Variants in EGF observed in about 807,000 individuals in gnomAD.
EGF encodes epidermal growth factor.
A neutral mutation model predicts 143.8 loss-of-function variants in EGF; 95 were observed. The ratio of observed to expected loss-of-function variants is 0.66; its 90% CI spans 0.56 to 0.78. The LOEUF (loss-of-function observed/expected upper bound fraction) is 0.78. Among genes scored for constraint, EGF ranks in the 30% least tolerant of loss-of-function variants. The probability of loss-of-function intolerance (pLI) is 0.00; values close to 1 mark genes in which losing one functional copy is unlikely to be tolerated. For missense variants in EGF, 1,320 were observed against 1,470.9 expected (o/e 0.90, Z 1.68); for synonymous variants, 510 against 510.5 (o/e 1.00, Z 0.01).
intron 22 of EGF, among the ~76,000 whole-genome samples, chr4:110,005,008 T>C (rs1167257563): frequency 6.6e-6 from 1 of 151,302 alleles, no homozygotes; most frequent in Non-Finnish European, 1.5e-5. Flanking sequence ...TTTCTTTCTT[T>C]CTTTCTTTTC....
chr4:109,998,139 T>C (rs1752070692), intron 20 of EGF, among the ~76,000 whole-genome samples: 1 of 152,200 alleles, frequency 6.6e-6, no homozygotes, highest in Admixed American at 6.5e-5. Context: ...GGGACTGACA[T>C]ATTCCTCAAG....
intron 1 of EGF, among the ~76,000 whole-genome samples, chr4:109,922,019 T>C (rs1342201190): frequency 6.6e-6 from 1 of 151,550 alleles, no homozygotes. Context: ...TTCTGGTGTT[T>C]TTCTCCCTTC....
chr4:109,962,892 C>T (rs1318336135), intron 8 of EGF, among the ~76,000 whole-genome samples: 4 of 152,002 alleles, frequency 2.6e-5, no homozygotes, highest in Admixed American at 2.0e-4. Context: ...CATGGTGAAA[C>T]CCCGTCTCTA....
chr4:109,994,986 T>C, intron 20 of EGF, 106 bp downstream of exon 20: 1 of 1,438,076 alleles, frequency 7.0e-7, no homozygotes, highest in Non-Finnish European at 9.7e-7. Context: ...CAATTAGGTG[T>C]TCTTTTGGAA....
intron 11 of EGF, among the ~76,000 whole-genome samples, chr4:109,972,797 C>T (rs1747865841): frequency 1.3e-5 from 2 of 152,316 alleles, no homozygotes; most frequent in Admixed American, 6.5e-5. Context: ...GAATAAGGCC[C>T]TGTGCATAGA....
chr4:109,995,247 A>T (rs1029818598), intron 20 of EGF, among the ~76,000 whole-genome samples: 1 of 152,142 alleles, frequency 6.6e-6, no homozygotes, highest in Non-Finnish European at 1.5e-5. Flanking sequence ...GCTTTATATT[A>T]TGTGTGAGCA....
At chr4:109,970,803 T>C (rs1410713711) in intron 11 of EGF, among the ~76,000 whole-genome samples, 21 of 120,562 alleles carry the variant, frequency 1.7e-4, no homozygotes, top group South Asian at 1.1e-3. Context: ...CCAGCCTGGG[T>C]GGCAGAGCGA....
intron 23 of EGF, among the ~76,000 whole-genome samples, chr4:110,010,827 G>A (rs1165713248): frequency 6.6e-6 from 1 of 152,148 alleles, no homozygotes; most frequent in East Asian, 1.9e-4. Context: ...TTGTGAGGTT[G>A]AGGTGGGCGA....
In EGF at chr4:109,942,889, A is replaced by G. The variant is rs191181029; in HGVS notation, c.328-365A>G. Among the ~76,000 whole-genome samples the G allele has an allele frequency of 9.2e-5, 14 of 152,330 alleles. No individual in the cohort carries two copies. The East Asian group carries it at 1.4e-3, about 15-fold the overall frequency. On this transcript the variant is annotated intron_variant, in intron 2 of 23. Transcript: ENST00000265171. ...ATTGAGTTCAGTTGAAGATCTGGAA[A>G]TTTCCATTAGCAAATGGAACTGAAT...
Position 109,913,324 on chromosome 4 carries a change from C to A in EGF, c.-12C>A. 1 of 1,613,568 alleles carries A rather than the reference C, an allele frequency of 6.2e-7. No homozygotes were observed. The highest frequency in any genetic ancestry group is 8.5e-7 in the Non-Finnish European group (1 of 1,179,660). On this transcript the variant is annotated 5_prime_UTR_variant, in exon 1 of 24. Transcript: ENST00000265171. ...AGCTGTTTTCTTTTGAAAGTTCAAA[C>A]TCATCAAGATTATGCTGCTCACTCT...
At chr4:109,980,598 C>T (rs1749194953) in intron 14 of EGF, 1 of 552,290 alleles carries the variant, frequency 1.8e-6, no homozygotes, top group Admixed American at 3.1e-5. Context: ...GAAAAAAGTG[C>T]TGGCTATACC....
Position 109,976,214 on chromosome 4 carries a change from A to C in EGF, c.2032A>C (p.Arg678=), listed in dbSNP as rs749411265. The C allele has an allele frequency of 1.4e-5, 23 of 1,614,046 alleles. No individual in the cohort carries two copies. In the Middle Eastern group the frequency reaches 6.6e-4, roughly 47 times the overall value. Residue 678 remains arginine, a synonymous_variant, in exon 13 of 24, where the codon AGA becomes CGA. Coordinates refer to ENST00000265171, the MANE Select transcript of EGF (RefSeq NM_001963.6). Reference sequence around the variant, plus strand: ...CAATCTGGATGGTTCAAAACGCCGAAGACTTACCCAGAATGATGTAGGTGA... The same window carrying C: ...CAATCTGGATGGTTCAAAACGCCGACGACTTACCCAGAATGATGTAGGTGA... ...MANLDGSKRR[R]LTQNDVGHPF...
chr4:110,007,359 G>A (rs1364343073), intron 22 of EGF, among the ~76,000 whole-genome samples: 1 of 152,202 alleles, frequency 6.6e-6, no homozygotes, highest in Non-Finnish European at 1.5e-5. Context: ...AAACCTTGGG[G>A]CAGTCCTTGC....
At chr4:109,971,889 G>A (rs943780323) in intron 11 of EGF, among the ~76,000 whole-genome samples, 7 of 152,220 alleles carry the variant, frequency 4.6e-5, no homozygotes, top group South Asian at 4.1e-4. Flanking sequence ...TCTAAATGTA[G>A]GAAGGAAGCA....
Position 109,977,124 on chromosome 4 carries a change from G to A in EGF, c.2053+889G>A, listed in dbSNP as rs1258458926. ...AAGGATTATGATATTAAAAATTATT[G>A]TGCATAAAAAATTAAGAGGATTTTG... On this transcript the variant is annotated intron_variant, in intron 13 of 23. Transcript: ENST00000265171. 5 of 152,262 alleles carry A rather than the reference G, an allele frequency of 3.3e-5. No individual in the cohort carries two copies. The East Asian group carries it at 7.7e-4, about 23-fold the overall frequency. 9.4% of individuals were successfully genotyped at this position (152,262 alleles called of 1,614,324 possible).
chr4:110,004,097 GT>G (rs1210962469), intron 21 of EGF: 1 of 221,140 alleles, frequency 4.5e-6, no homozygotes, highest in East Asian at 1.1e-4. Context: ...AAAATTAGTT[GT>G]TTTTTCATTG....
chr4:109,913,327 A>G lies in EGF; in HGVS notation c.-9A>G. ...TGTTTTCTTTTGAAAGTTCAAACTC[A>G]TCAAGATTATGCTGCTCACTCTTAT... On this transcript the variant is annotated 5_prime_UTR_variant, in exon 1 of 24. Transcript: ENST00000265171. 2 of 1,613,650 alleles carry G rather than the reference A, an allele frequency of 1.2e-6. No individual in the cohort carries two copies. The highest frequency in any genetic ancestry group is 1.7e-6 in the Non-Finnish European group (2 of 1,179,700).
intron 22 of EGF, among the ~76,000 whole-genome samples, chr4:110,006,709 A>T (rs971696): frequency 0.27 from 41,034 of 152,146 alleles, 10,635 homozygotes; most frequent in African/African-American, 0.64. Context: ...TCTGTGTATG[A>T]CTATTAAAAA....
At chr4:109,966,042 T>A (rs999275227) in intron 10 of EGF, among the ~76,000 whole-genome samples, 41 of 151,640 alleles carry the variant, frequency 2.7e-4, no homozygotes, top group African/African-American at 9.9e-4. Context: ...TAAAAAAATA[T>A]ATATATATAT....
Sources: gnomAD v4.1 joint callset for allele counts (sites outside exome capture counted in the v4.1 genomes callset) on GRCh38, gnomAD v4.1.1 for gene constraint, MANE v1.5 for transcripts, NCBI Gene and HGNC (gene_info 2026-07-23, HGNC 2026-07-21) for gene names.